Variants in PHACTR1 observed in about 807,000 individuals in gnomAD.
The protein encoded by PHACTR1 is phosphatase and actin regulator 1.
Under a neutral mutation model 69.2 loss-of-function variants are expected in PHACTR1, and 16 were observed. The ratio of observed to expected loss-of-function variants is 0.23; its 90% CI spans 0.16 to 0.35. The LOEUF (loss-of-function observed/expected upper bound fraction) is 0.35. Among genes scored for constraint, PHACTR1 ranks in the 10% least tolerant of loss-of-function variants. PHACTR1 has a pLI of 1.00. For synonymous variants in PHACTR1, 312 were observed against 284.5 expected, an observed-to-expected ratio of 1.10 and a Z score of -0.97; for missense variants, 510 against 734.7, an observed-to-expected ratio of 0.69 and a Z score of 3.54.
intron 4 of PHACTR1, among the ~76,000 whole-genome samples, chr6:12,758,705 C>T (rs1767662659): frequency 6.6e-6 from 1 of 152,026 alleles, no homozygotes; most frequent in South Asian, 2.1e-4. Context: ...ACTTAATAGA[C>T]ATGATTTACC....
At chr6:13,208,030 A>C (rs1031961277) in intron 8 of PHACTR1, among the ~76,000 whole-genome samples, 1 of 152,154 alleles carries the variant, frequency 6.6e-6, no homozygotes, top group South Asian at 2.1e-4. Context: ...CTGCAAAAGG[A>C]AAAAAACAAA....
chr6:12,889,391 G>C (rs904325409), intron 4 of PHACTR1, among the ~76,000 whole-genome samples: 2 of 152,208 alleles, frequency 1.3e-5, no homozygotes, highest in Non-Finnish European at 2.9e-5. Context: ...CTGTCTCAAA[G>C]ACATAGAATG....
At chr6:12,730,986 T>TTTATTTA (rs1763435511) in intron 3 of PHACTR1, among the ~76,000 whole-genome samples, 59 of 137,996 alleles carry the variant, frequency 4.3e-4, no homozygotes, top group Admixed American at 3.1e-3. Flanking sequence ...ATATTACCTT[T>TTTATTTA]TTTATTTATT....
Position 13,017,345 on chromosome 6 carries a change from G to A in PHACTR1, c.251-36020G>A, listed in dbSNP as rs935624989. ...TGTCTGTTTATATCTGTGTGTGTGT[G>A]TGTGATGTATACATGTGCAGTCTCA... On this transcript the variant is annotated intron_variant, in intron 4 of 14. Coordinates refer to ENST00000332995, the MANE Select transcript of PHACTR1 (RefSeq NM_030948.6). Among the ~76,000 whole-genome samples the A allele has an allele frequency of 5.3e-5, 8 of 152,198 alleles. No homozygotes were observed. In the South Asian group the frequency reaches 1.7e-3, roughly 32 times the overall value.
At chr6:12,912,549 C>T (rs1176906984) in intron 4 of PHACTR1, among the ~76,000 whole-genome samples, 1 of 152,194 alleles carries the variant, frequency 6.6e-6, no homozygotes, top group Non-Finnish European at 1.5e-5. Flanking sequence ...ATGTTACTCA[C>T]GTTGGGCCTG....
At chr6:13,272,828 G>A in intron 10 of PHACTR1, 32 bp from the exon 11 acceptor site, 1 of 1,614,072 alleles carries the variant, frequency 6.2e-7, no homozygotes, top group Non-Finnish European at 8.5e-7. Flanking sequence ...CTATGATATG[G>A]TCCAAAAACT....
intron 4 of PHACTR1, among the ~76,000 whole-genome samples, chr6:12,926,482 C>T (rs894515003): frequency 3.3e-5 from 5 of 152,166 alleles, no homozygotes; most frequent in Non-Finnish European, 4.4e-5. Context: ...TTTGGATACC[C>T]TACAGTTACT....
chr6:12,907,480 G>A (rs183117611), intron 4 of PHACTR1, among the ~76,000 whole-genome samples: 3 of 152,310 alleles, frequency 2.0e-5, no homozygotes, highest in East Asian at 3.9e-4. Flanking sequence ...CACTCAAGGA[G>A]CCTCTAACAA....
intron 4 of PHACTR1, among the ~76,000 whole-genome samples, chr6:12,864,959 T>A (rs531915701): frequency 6.6e-6 from 1 of 152,348 alleles, no homozygotes; most frequent in South Asian, 2.1e-4. Context: ...TTCATTGCTA[T>A]CTACACAACT....
intron 4 of PHACTR1, among the ~76,000 whole-genome samples, chr6:12,869,001 G>A (rs1167627376): frequency 2.8e-4 from 43 of 152,126 alleles, no homozygotes; most frequent in African/African-American, 9.9e-4. Flanking sequence ...TGGGTAGCAG[G>A]TCCTTGTGAA....
intron 4 of PHACTR1, among the ~76,000 whole-genome samples, chr6:13,048,127 T>C (rs1415191079): frequency 1.3e-5 from 2 of 152,182 alleles, no homozygotes; most frequent in Non-Finnish European, 2.9e-5. Context: ...GAGCCCAAAC[T>C]GTGTGGTCCT....
chr6:12,720,150 T>C (rs1466070218), intron 3 of PHACTR1, among the ~76,000 whole-genome samples: 2 of 151,996 alleles, frequency 1.3e-5, no homozygotes, highest in Non-Finnish European at 2.9e-5. Flanking sequence ...ATGCTGGAAG[T>C]AGAGGTAGAA....
intron 4 of PHACTR1, among the ~76,000 whole-genome samples, chr6:12,999,069 G>A (rs182972840): frequency 9.2e-5 from 14 of 152,248 alleles, no homozygotes; most frequent in African/African-American, 3.1e-4. Context: ...AAAGTTGCAC[G>A]TACCCCATGA....
intron 4 of PHACTR1, among the ~76,000 whole-genome samples, chr6:12,812,536 C>A (rs1056209229): frequency 6.6e-6 from 1 of 152,196 alleles, no homozygotes; most frequent in Non-Finnish European, 1.5e-5. Flanking sequence ...AACCACCCAA[C>A]AAGGCCTAGG....
chr6:12,814,390 T>C lies in PHACTR1; in HGVS notation c.250+64600T>C, dbSNP rs115788240. 3.5e-3 allele frequency among the ~76,000 whole-genome samples: 539 copies of C among 152,358 alleles called. 3 individuals carry two copies. The highest frequency in any genetic ancestry group is 0.012 in the African/African-American group (481 of 41,590). On this transcript the variant is annotated intron_variant, in intron 4 of 14. Coordinates refer to ENST00000332995, the MANE Select transcript of PHACTR1 (RefSeq NM_030948.6). ...AGTAAACAAAGACATTTATGAAAAG[T>C]GCTGTGTGCCTGGCACAGAATAGAC...
In PHACTR1 at chr6:13,275,044, T is replaced by C. The variant is rs983165291; in HGVS notation, c.1447+2129T>C. 3 of 152,236 alleles carry C rather than the reference T, an allele frequency of 2.0e-5. No homozygotes were observed. The highest frequency in any genetic ancestry group is 7.2e-5 in the African/African-American group (3 of 41,460). 9.4% of individuals were successfully genotyped at this position (152,236 alleles called of 1,614,324 possible). A position where few individuals can be genotyped will look rare whatever the true frequency, so the allele number is the denominator to read the frequency against. On this transcript the variant is annotated intron_variant, in intron 11 of 14. Transcript: ENST00000332995. The surrounding 1 kb of genome is among the most constrained non-coding windows in gnomAD (Gnocchi z 4.0). ...GTTAAACAAAAAAAATGTCTAGTGG[T>C]ATAAGAAAACATCCTCCAATAGTTT...
intron 5 of PHACTR1, among the ~76,000 whole-genome samples, chr6:13,101,530 A>G (rs1056521441): frequency 2.6e-5 from 4 of 152,234 alleles, no homozygotes; most frequent in Admixed American, 6.5e-5. Context: ...ATTTCCGTCT[A>G]CCACTTTTGC....
At chr6:13,012,676 G>A (rs1291947261) in intron 4 of PHACTR1, among the ~76,000 whole-genome samples, 1 of 152,210 alleles carries the variant, frequency 6.6e-6, no homozygotes, top group Admixed American at 6.5e-5. Context: ...TTGGGGCTCT[G>A]TAATCTCTAT....
chr6:12,736,197 T>G (rs1395821436), intron 3 of PHACTR1, among the ~76,000 whole-genome samples: 3 of 152,244 alleles, frequency 2.0e-5, no homozygotes, highest in Admixed American at 6.5e-5. Context: ...GAAACCTATT[T>G]AAGATTAGCA....
Sources: gnomAD v4.1 joint callset for allele counts (sites outside exome capture counted in the v4.1 genomes callset) on GRCh38, gnomAD v4.1.1 for gene constraint, Gnocchi (gnomAD v3.1) non-coding constraint, MANE v1.5 for transcripts, NCBI Gene and HGNC (gene_info 2026-07-23, HGNC 2026-07-21) for gene names.